Variants in ROR1 observed in about 807,000 individuals in gnomAD.
ROR1 encodes ROR family WNT receptor 1.
In ROR1, 19 loss-of-function variants were observed where a neutral mutation model predicts 78.8. That is an observed-to-expected ratio of 0.24 (90% CI 0.17 to 0.35). The LOEUF is 0.35. Ranked by LOEUF, ROR1 falls within the 10% of genes least tolerant of loss-of-function variation. ROR1 has a pLI of 1.00. For missense variants in ROR1, 917 were observed against 1,177.8 expected (o/e 0.78, Z 3.24); for synonymous variants, 386 against 433.6 (o/e 0.89, Z 1.36).
At chr1:64,139,865 T>A (rs1455373403) in intron 5 of ROR1, among the ~76,000 whole-genome samples, 6 of 152,192 alleles carry the variant, frequency 3.9e-5, no homozygotes, top group Non-Finnish European at 8.8e-5. Flanking sequence ...TTAATTTTTT[T>A]ATTAGGAAAT....
At chr1:63,876,881 T>C (rs1254686897) in intron 1 of ROR1, among the ~76,000 whole-genome samples, 1 of 151,744 alleles carries the variant, frequency 6.6e-6, no homozygotes, top group South Asian at 2.1e-4. Flanking sequence ...TCATGTATTA[T>C]ATTCTTACTT....
chr1:63,922,507 A>C (rs750395492), intron 1 of ROR1, among the ~76,000 whole-genome samples: 6 of 152,198 alleles, frequency 3.9e-5, no homozygotes, highest in Non-Finnish European at 5.9e-5. Context: ...GTCGAAGCCC[A>C]GGATTTTGTG....
At chr1:63,801,478 A>T (rs1463055421) in intron 1 of ROR1, among the ~76,000 whole-genome samples, 2 of 152,188 alleles carry the variant, frequency 1.3e-5, no homozygotes, top group East Asian at 3.9e-4. Context: ...TATTTTTAGT[A>T]AAGACGGGGT....
chr1:64,175,042 AAAATAGTAATTTAATAAATT>A (rs1320808201), intron 8 of ROR1, among the ~76,000 whole-genome samples: 2 of 151,264 alleles, frequency 1.3e-5, no homozygotes, highest in South Asian at 2.1e-4. Flanking sequence ...TTAATTTAAA[AAAATAGTAATTTAATAAATT>A]AAATAGTTAT....
intron 1 of ROR1, among the ~76,000 whole-genome samples, chr1:63,940,369 C>T (rs1378604444): frequency 1.3e-5 from 2 of 152,042 alleles, no homozygotes; most frequent in East Asian, 3.9e-4. Flanking sequence ...ATCTGGGACA[C>T]TTTGAGTGAT....
At chr1:63,988,986 A>G (rs1646272986) in intron 1 of ROR1, among the ~76,000 whole-genome samples, 1 of 152,162 alleles carries the variant, frequency 6.6e-6, no homozygotes, top group Non-Finnish European at 1.5e-5. Context: ...TTTTGTGTAT[A>G]TATTCCCAAA....
At chr1:63,910,872 T>C (rs1645564700) in intron 1 of ROR1, among the ~76,000 whole-genome samples, 1 of 152,212 alleles carries the variant, frequency 6.6e-6, no homozygotes, top group Admixed American at 6.5e-5. Flanking sequence ...TGAAGAGTGA[T>C]GCCCTGAAAA....
chr1:63,831,924 T>C (rs1403152321), intron 1 of ROR1, among the ~76,000 whole-genome samples: 1 of 152,214 alleles, frequency 6.6e-6, no homozygotes, highest in Non-Finnish European at 1.5e-5. Flanking sequence ...AGGTCACATC[T>C]TGAATGCTTT....
chr1:63,991,480 T>A (rs894569607), intron 1 of ROR1, among the ~76,000 whole-genome samples: 13 of 152,222 alleles, frequency 8.5e-5, no homozygotes, highest in Non-Finnish European at 1.5e-5. Flanking sequence ...TTTGCCTGTT[T>A]GCCATATATG....
chr1:63,811,201 C>T (rs1384638606), intron 1 of ROR1, among the ~76,000 whole-genome samples: 1 of 152,168 alleles, frequency 6.6e-6, no homozygotes, highest in African/African-American at 2.4e-5. Flanking sequence ...TCTGAGCACC[C>T]TTTCCTTTAA....
intron 4 of ROR1, among the ~76,000 whole-genome samples, chr1:64,079,605 G>T (rs1410811336): frequency 6.6e-6 from 1 of 151,246 alleles, no homozygotes; most frequent in Non-Finnish European, 1.5e-5. Context: ...CCAAGTAGCT[G>T]GGATTAGCTG....
At chr1:64,010,535 A>C (rs1194113801) in intron 2 of ROR1, among the ~76,000 whole-genome samples, 1 of 152,138 alleles carries the variant, frequency 6.6e-6, no homozygotes, top group African/African-American at 2.4e-5. Flanking sequence ...TTTCTACTTT[A>C]GTTCAGGCAT....
chr1:63,871,889 G>A (rs1018229834), intron 1 of ROR1, among the ~76,000 whole-genome samples: 1 of 152,266 alleles, frequency 6.6e-6, no homozygotes, highest in Middle Eastern at 3.4e-3. Context: ...AGTCATTATA[G>A]TTTTAATGAA....
rs1287163623 is a variant in ROR1, at chr1:63,989,162, G to GTTTTTTTT, written c.92-20138_92-20137insTTTTTTTT. On this transcript the variant is annotated intron_variant, in intron 1 of 8. Transcript: ENST00000371079. The stretch of plus-strand genomic sequence containing the variant: ...TTTTTGCCAACACTTGTCATTTTCT[G>GTTTTTTTT]TTTTTGTTTTTTTTTTTTTTTAAAC... Among the ~76,000 whole-genome samples the GTTTTTTTT allele has an allele frequency of 4.1e-3, 476 of 117,232 alleles. 19 individuals carry two copies. Among genetic ancestry groups the GTTTTTTTT allele is most frequent in the African/African-American group, 0.013 (460 of 34,384 alleles). 76.9% of individuals were successfully genotyped at this position (117,232 alleles called of 152,430 possible). A position where few individuals can be genotyped will look rare whatever the true frequency, so the allele number is the denominator to read the frequency against.
intron 1 of ROR1, among the ~76,000 whole-genome samples, chr1:63,844,154 G>A (rs1192994482): frequency 6.6e-6 from 1 of 152,162 alleles, no homozygotes; most frequent in East Asian, 1.9e-4. Flanking sequence ...GGTTGGTGAG[G>A]AATTAATCAG....
At chr1:63,995,136 T>G (rs186353864) in intron 1 of ROR1, among the ~76,000 whole-genome samples, 2 of 152,318 alleles carry the variant, frequency 1.3e-5, no homozygotes, top group Admixed American at 6.5e-5. Flanking sequence ...TCAAACTGTT[T>G]CCATCAGATG....
At chr1:63,784,411 G>A (rs1464102498) in intron 1 of ROR1, among the ~76,000 whole-genome samples, 1 of 152,134 alleles carries the variant, frequency 6.6e-6, no homozygotes. Flanking sequence ...TTCACCAAAA[G>A]GTGAATTTGC....
intron 1 of ROR1, among the ~76,000 whole-genome samples, chr1:63,847,832 A>T (rs137914332): frequency 6.6e-6 from 1 of 152,170 alleles, no homozygotes; most frequent in Non-Finnish European, 1.5e-5. Flanking sequence ...CCTGCTGCTG[A>T]TAAGTCCCAT....
chr1:64,033,677 A>G (rs1646678581), intron 2 of ROR1, among the ~76,000 whole-genome samples: 1 of 152,206 alleles, frequency 6.6e-6, no homozygotes, highest in Non-Finnish European at 1.5e-5. Context: ...CTTATATAGA[A>G]CTTCACTGTG....
Sources: gnomAD v4.1 joint callset for allele counts (sites outside exome capture counted in the v4.1 genomes callset) on GRCh38, gnomAD v4.1.1 for gene constraint, MANE v1.5 for transcripts, NCBI Gene and HGNC (gene_info 2026-07-23, HGNC 2026-07-21) for gene names.